DPP6: variants seen among roughly 807,000 people sequenced by gnomAD.
DPP6 encodes the protein A-type potassium channel modulatory protein DPP6.
DPP6 carries 69 observed loss-of-function variants against 122.6 expected under a neutral mutation model. The observed-to-expected ratio is 0.56, with a 90% CI of 0.46 to 0.69. The LOEUF is 0.69. Among genes scored for constraint, DPP6 ranks in the 30% least tolerant of loss-of-function variants. The pLI is 0.00. For synonymous variants in DPP6, 418 were observed against 433.1 expected, an observed-to-expected ratio of 0.97 and a Z score of 0.43; for missense variants, 928 against 1,116.9, an observed-to-expected ratio of 0.83 and a Z score of 2.41.
intron 3 of DPP6, among the ~76,000 whole-genome samples, chr7:154,488,306 G>A (rs1823972127): frequency 6.6e-6 from 1 of 152,078 alleles, no homozygotes; most frequent in Admixed American, 6.6e-5. Context: ...GGCTGACACA[G>A]TGAAACCCCG....
chr7:154,059,398 A>C (rs1359872197), intron 1 of DPP6: 1 of 152,328 alleles, frequency 6.6e-6, no homozygotes, highest in Admixed American at 6.5e-5. Flanking sequence ...TTAGGTGTCC[A>C]AGTAGAAAGA....
intron 1 of DPP6, among the ~76,000 whole-genome samples, chr7:154,121,265 A>G (rs1287753914): frequency 1.3e-5 from 2 of 151,978 alleles, no homozygotes; most frequent in Non-Finnish European, 2.9e-5. Flanking sequence ...TCTCTACGTT[A>G]TTTACTTCTG....
chr7:154,362,236 A>T (rs1811791221), intron 1 of DPP6, among the ~76,000 whole-genome samples: 2 of 152,216 alleles, frequency 1.3e-5, no homozygotes, highest in Admixed American at 6.5e-5. Flanking sequence ...ACAGACCTGG[A>T]AACAGCTTCT....
intron 8 of DPP6, among the ~76,000 whole-genome samples, chr7:154,741,723 A>G (rs1201456550): frequency 2.0e-5 from 3 of 152,176 alleles, no homozygotes; most frequent in African/African-American, 7.2e-5. Context: ...AGGCCAGCTG[A>G]AGGATTTCAG....
chr7:153,822,488 G>A, the DPP6 span, among the ~76,000 whole-genome samples: 281 of 152,182 alleles, frequency 1.8e-3, 1 homozygote, highest in African/African-American at 5.7e-3. Context: ...ACTGTGCCCG[G>A]TTAATCATTT....
rs548381604 is a variant in DPP6 at position 154,589,898 on chromosome 7, C to T, written c.627+22982C>T. ...CCTCATTAGATATCTGAAGTAATGA[C>T]GGAAGTAATCGATTGAGTAAATTAG... On this transcript the variant is annotated intron_variant, in intron 5 of 25. Coordinates refer to ENST00000377770, the MANE Select transcript of DPP6 (RefSeq NM_130797.4). Among the ~76,000 whole-genome samples the T allele has an allele frequency of 5.3e-5, 8 of 152,296 alleles. No individual in the cohort carries two copies. In the East Asian group the frequency reaches 9.7e-4, roughly 18 times the overall value.
intron 1 of DPP6, among the ~76,000 whole-genome samples, chr7:154,383,454 C>T (rs184518301): frequency 1.4e-3 from 210 of 152,240 alleles, no homozygotes; most frequent in Non-Finnish European, 2.0e-3. Context: ...ATATTTTCAC[C>T]GTCGAGGGCA....
intron 1 of DPP6, among the ~76,000 whole-genome samples, chr7:154,187,208 T>TA (rs571966039): frequency 2.6e-4 from 40 of 152,364 alleles, no homozygotes; most frequent in South Asian, 6.2e-4. Flanking sequence ...TTGTTCTCTT[T>TA]AAAAAACAGT....
Position 154,848,242 on chromosome 7 carries a change from C to T in DPP6, c.1667-5538C>T, listed in dbSNP as rs953650096. On this transcript the variant is annotated intron_variant, in intron 16 of 25. Transcript: ENST00000377770. ...CTATTTTTAGTTTTTTTTTGAGGAA[C>T]CACCATATTGTTTTATGAAATAGTT... 3.1e-4 allele frequency among the ~76,000 whole-genome samples: 47 copies of T among 152,226 alleles called. 1 individual carries two copies. Among genetic ancestry groups the T allele is most frequent in the African/African-American group, 1.1e-3 (47 of 41,538 alleles).
intron 21 of DPP6, among the ~76,000 whole-genome samples, chr7:154,883,137 A>G (rs942081122): frequency 1.3e-5 from 2 of 150,722 alleles, no homozygotes; most frequent in Middle Eastern, 3.2e-3. Context: ...ATACACACAC[A>G]TGCTCACCCA....
At chr7:154,565,695 T>G (rs1210668138) in intron 4 of DPP6, among the ~76,000 whole-genome samples, 1 of 152,090 alleles carries the variant, frequency 6.6e-6, no homozygotes, top group Non-Finnish European at 1.5e-5. Context: ...CCAGCTAATT[T>G]TGTAATTTTA....
At chr7:153,966,499 T>G (rs1795730801) in intron 1 of DPP6, among the ~76,000 whole-genome samples, 1 of 142,822 alleles carries the variant, frequency 7.0e-6, no homozygotes, top group East Asian at 2.2e-4. Flanking sequence ...CCCGTTCATC[T>G]TCCTCTCCTC....
At chr7:154,352,023 C>A (rs1256628852) in intron 1 of DPP6, among the ~76,000 whole-genome samples, 1 of 152,106 alleles carries the variant, frequency 6.6e-6, no homozygotes, top group African/African-American at 2.4e-5. Context: ...CTGCCCACTG[C>A]CCCTTTGGGC....
intron 1 of DPP6, among the ~76,000 whole-genome samples, chr7:154,377,835 A>G (rs916683819): frequency 2.0e-5 from 3 of 152,136 alleles, no homozygotes; most frequent in Non-Finnish European, 4.4e-5. Flanking sequence ...ACTATTCAAT[A>G]TAGCTTCTAA....
intron 5 of DPP6, among the ~76,000 whole-genome samples, chr7:154,597,953 A>G (rs910354087): frequency 1.3e-5 from 2 of 152,078 alleles, no homozygotes; most frequent in Non-Finnish European, 2.9e-5. Flanking sequence ...TCATTTGGAT[A>G]AGGATCTTTT....
intron 1 of DPP6, among the ~76,000 whole-genome samples, chr7:154,330,069 A>G (rs1808784804): frequency 1.3e-5 from 2 of 152,162 alleles, no homozygotes; most frequent in South Asian, 2.1e-4. Context: ...ATTAGGACAA[A>G]TACCTAATGC....
At chr7:154,663,393 G>T (rs1360775233) in intron 6 of DPP6, among the ~76,000 whole-genome samples, 1 of 41,192 alleles carries the variant, frequency 2.4e-5, no homozygotes, top group African/African-American at 4.7e-5. Context: ...GCGTATTGGC[G>T]CTAGTATTCA....
intron 1 of DPP6, among the ~76,000 whole-genome samples, chr7:154,248,517 T>C (rs1344252704): frequency 2.0e-5 from 3 of 152,182 alleles, no homozygotes; most frequent in Non-Finnish European, 4.4e-5. Context: ...TCTGTCTTAA[T>C]TGGAATATAT....
intron 1 of DPP6, among the ~76,000 whole-genome samples, chr7:154,012,572 A>G (rs1440370419): frequency 6.6e-6 from 1 of 152,180 alleles, no homozygotes; most frequent in East Asian, 1.9e-4. Context: ...ATATCTGACA[A>G]GAGACTTGTA....
Sources: gnomAD v4.1 joint callset for allele counts (sites outside exome capture counted in the v4.1 genomes callset) on GRCh38, gnomAD v4.1.1 for gene constraint, MANE v1.5 for transcripts, NCBI Gene and HGNC (gene_info 2026-07-23, HGNC 2026-07-21) for gene names.